The following ASIC2 variants were observed in gnomAD, a reference collection of about 807,000 sequenced individuals.
ASIC2 encodes acid-sensing ion channel 2.
A neutral mutation model predicts 57.3 loss-of-function variants in ASIC2; 25 were observed. The observed-to-expected ratio is 0.44, with a 90% CI of 0.32 to 0.61. The LOEUF (loss-of-function observed/expected upper bound fraction) is 0.61, where lower values mean the gene tolerates loss of function less well. Among genes scored for constraint, ASIC2 ranks in the 20% least tolerant of loss-of-function variants. ASIC2 has a pLI of 0.06. For missense variants in ASIC2, 641 were observed against 738.1 expected (o/e 0.87, Z 1.52); for synonymous variants, 319 against 307.5 (o/e 1.04, Z -0.39).
intron 1 of ASIC2, among the ~76,000 whole-genome samples, chr17:33,342,690 G>A (rs1348736357): frequency 1.3e-5 from 2 of 152,128 alleles, no homozygotes; most frequent in East Asian, 1.9e-4. Context: ...AAGATATGGA[G>A]GTCACCTTCC....
chr17:33,339,451 T>G lies in ASIC2; in HGVS notation c.556-227384A>C, dbSNP rs144635121. Among the ~76,000 whole-genome samples the G allele has an allele frequency of 1.4e-3, 216 of 152,322 alleles. 2 individuals are homozygous for G. In the East Asian group the frequency reaches 0.038, roughly 27 times the overall value. On this transcript the variant is annotated intron_variant, in intron 1 of 9. Transcript: ENST00000359872. ...ATAAAGCTTTATTTACAAAGATAGA[T>G]GTAGCTGCATTTGGCCTGTGGATCA...
chr17:33,497,301 A>G (rs925310805), intron 1 of ASIC2, among the ~76,000 whole-genome samples: 4 of 152,246 alleles, frequency 2.6e-5, no homozygotes, highest in African/African-American at 9.6e-5. Context: ...CCTGGGCCCC[A>G]CATGGGCATT....
chr17:33,722,674 G>A (rs911979955), intron 1 of ASIC2, among the ~76,000 whole-genome samples: 4 of 152,106 alleles, frequency 2.6e-5, no homozygotes, highest in Non-Finnish European at 5.9e-5. Context: ...GACACAGGAG[G>A]ATCCTCTAAG....
intron 1 of ASIC2, among the ~76,000 whole-genome samples, chr17:33,457,919 C>T (rs1912505795): frequency 6.6e-6 from 1 of 152,144 alleles, no homozygotes; most frequent in African/African-American, 2.4e-5. Flanking sequence ...GGTCAAAGAC[C>T]TTGCACCCAG....
rs894664931 is a variant in ASIC2, at chr17:33,495,650, A to G, written c.556-383583T>C. Among the ~76,000 whole-genome samples, 93 of 152,140 alleles carry G rather than the reference A, an allele frequency of 6.1e-4. 1 individual carries two copies. Among genetic ancestry groups the G allele is most frequent in the African/African-American group, 2.1e-3 (88 of 41,430 alleles). On this transcript the variant is annotated intron_variant, in intron 1 of 9. Coordinates refer to the ASIC2 transcript ENST00000359872. ...GGGAGCATTTCCTAGGCTGGGTCCT[A>G]ATGGCACCTAATGGTGCCAAAGGCC... is the stretch of plus-strand genomic sequence containing the variant.
intron 1 of ASIC2, among the ~76,000 whole-genome samples, chr17:33,304,417 T>C (rs1317037015): frequency 1.3e-5 from 2 of 152,212 alleles, no homozygotes; most frequent in Non-Finnish European, 2.9e-5. Context: ...GGAAAGGTAC[T>C]TTGGAATTAG....
intron 1 of ASIC2, among the ~76,000 whole-genome samples, chr17:33,758,910 C>A (rs1910693113): frequency 1.2e-5 from 1 of 82,668 alleles, no homozygotes; most frequent in African/African-American, 5.1e-5. Flanking sequence ...AGAAAGCAAG[C>A]TAATACCAAA....
chr17:33,428,378 T>C (rs965903378), intron 1 of ASIC2, among the ~76,000 whole-genome samples: 2 of 152,132 alleles, frequency 1.3e-5, no homozygotes, highest in African/African-American at 4.8e-5. Flanking sequence ...ACCACTGCAT[T>C]AGAGAATCGA....
At chr17:33,231,513 C>G (rs1244906934) in intron 1 of ASIC2, among the ~76,000 whole-genome samples, 1 of 152,132 alleles carries the variant, frequency 6.6e-6, no homozygotes, top group Non-Finnish European at 1.5e-5. Flanking sequence ...ACGGCTTTCT[C>G]TCCTCATGGC....
At chr17:33,983,164 A>T (rs1905689038) in intron 1 of ASIC2, among the ~76,000 whole-genome samples, 1 of 152,228 alleles carries the variant, frequency 6.6e-6, no homozygotes, top group African/African-American at 2.4e-5. Flanking sequence ...TAATATGTGC[A>T]CATGATGGTA....
At chr17:33,247,918 T>G (rs1908748213) in intron 1 of ASIC2, among the ~76,000 whole-genome samples, 1 of 152,230 alleles carries the variant, frequency 6.6e-6, no homozygotes, top group African/African-American at 2.4e-5. Flanking sequence ...GAAGTATATG[T>G]GTATGTACGG....
At chr17:33,818,927 T>C (rs1912668077) in intron 1 of ASIC2, among the ~76,000 whole-genome samples, 1 of 152,204 alleles carries the variant, frequency 6.6e-6, no homozygotes, top group Non-Finnish European at 1.5e-5. Flanking sequence ...TCAAGGGAGT[T>C]GAATCCAGGT....
chr17:33,778,410 A>G (rs1911348903), intron 1 of ASIC2, among the ~76,000 whole-genome samples: 1 of 152,178 alleles, frequency 6.6e-6, no homozygotes, highest in Non-Finnish European at 1.5e-5. Context: ...TAGCTAGTTT[A>G]TCAGCAGATA....
At chr17:33,758,885 T>C (rs1181307585) in intron 1 of ASIC2, among the ~76,000 whole-genome samples, 2 of 149,310 alleles carry the variant, frequency 1.3e-5, no homozygotes, top group African/African-American at 5.0e-5. Flanking sequence ...TTTCAAGTAT[T>C]CTGTTATCAG....
chr17:33,902,960 C>T (rs1360379897), intron 1 of ASIC2, among the ~76,000 whole-genome samples: 1 of 152,122 alleles, frequency 6.6e-6, no homozygotes, highest in Non-Finnish European at 1.5e-5. Flanking sequence ...TTGCATTCCC[C>T]CTTAGTCCAG....
chr17:33,874,773 A>G (rs1453985916), intron 1 of ASIC2, among the ~76,000 whole-genome samples: 1 of 152,136 alleles, frequency 6.6e-6, no homozygotes, highest in African/African-American at 2.4e-5. Context: ...ACAGTTCTCC[A>G]TCACTTTGTT....
At chr17:33,815,756 A>T (rs1359727894) in intron 1 of ASIC2, among the ~76,000 whole-genome samples, 1 of 152,186 alleles carries the variant, frequency 6.6e-6, no homozygotes, top group Non-Finnish European at 1.5e-5. Flanking sequence ...CCATAGAGAG[A>T]ATATTAGAAA....
rs187446478 is a variant in ASIC2 at position 33,825,117 on chromosome 17, A to G, written c.555+330861T>C. ...GCTATTGCCATTATGTGATTCTGGA[A>G]CTTCACTAAATTTACCATGTCTTCT... On this transcript the variant is annotated intron_variant, in intron 1 of 9. Transcript: ENST00000359872. Among the ~76,000 whole-genome samples the G allele has an allele frequency of 2.7e-4, 41 of 152,306 alleles. 1 individual carries two copies. The highest frequency in any genetic ancestry group is 9.6e-4 in the African/African-American group (40 of 41,566).
At chr17:33,033,121 C>T (rs1332739860) in intron 3 of ASIC2, among the ~76,000 whole-genome samples, 1 of 152,154 alleles carries the variant, frequency 6.6e-6, no homozygotes, top group Admixed American at 6.5e-5. Context: ...TTACATTATG[C>T]CGGCTGCAGC....
Sources: gnomAD v4.1 joint callset for allele counts (sites outside exome capture counted in the v4.1 genomes callset) on GRCh38, gnomAD v4.1.1 for gene constraint, MANE v1.5 for transcripts, NCBI Gene and HGNC (gene_info 2026-07-23, HGNC 2026-07-21) for gene names.